PAK3: variants seen among roughly 807,000 people sequenced by gnomAD.
PAK3 encodes the protein serine/threonine-protein kinase PAK 3.
In PAK3, 4 loss-of-function variants were observed where a neutral mutation model predicts 41.0. The observed-to-expected ratio is 0.10, with a 90% CI of 0.05 to 0.22. The LOEUF (loss-of-function observed/expected upper bound fraction) is 0.22, where lower values mean the gene tolerates loss of function less well. Ranked by LOEUF, PAK3 falls within the 10% of genes least tolerant of loss-of-function variation. The pLI is 1.00. For missense variants in PAK3, 205 were observed against 409.9 expected (o/e 0.50, Z 4.32); for synonymous variants, 146 against 139.6 (o/e 1.05, Z -0.32).
At position 111,222,109 on chromosome X, in the gene PAK3, ACT is replaced by A. The variant is rs2094930797; in HGVS notation, c.*1663_*1664del. ...AGTTGTTTCTCTAAGCCTTTGAAAAACTAACAATTTGTGTTATAGAAGGCTTC... is the reference window on the plus strand; with the variant it reads ...AGTTGTTTCTCTAAGCCTTTGAAAAAAACAATTTGTGTTATAGAAGGCTTC... On this transcript the variant is annotated 3_prime_UTR_variant, in exon 18 of 18. Transcript: ENST00000372007. 10 of 111,775 alleles carry A rather than the reference ACT, an allele frequency of 8.9e-5. No individual in the cohort carries two copies. The highest frequency in any genetic ancestry group is 1.9e-5 in the Non-Finnish European group (1 of 53,085). 9.2% of individuals were successfully genotyped at this position (111,775 alleles called of 1,213,427 possible).
At chrX:111,151,419 T>C (rs766168049) in intron 7 of PAK3, among the ~76,000 whole-genome samples, 1 of 112,124 alleles carries the variant, frequency 8.9e-6, no homozygotes, top group Non-Finnish European at 1.9e-5. Context: ...GAGCTGAGTG[T>C]ACCTCATCAT....
chrX:111,044,130 G>C (rs779362746), intron 1 of PAK3, among the ~76,000 whole-genome samples: 2 of 111,959 alleles, frequency 1.8e-5, no homozygotes, highest in Non-Finnish European at 3.8e-5. Flanking sequence ...ATCATGCTTT[G>C]AAGTAGGCAG....
chrX:111,048,518 C>A (rs772116503), intron 1 of PAK3, among the ~76,000 whole-genome samples: 1 of 111,619 alleles, frequency 9.0e-6, no homozygotes, highest in East Asian at 2.8e-4. Context: ...CCCTCTTGAT[C>A]TGTGCACTTA....
At chrX:111,044,523 C>T (rs1424701720) in intron 1 of PAK3, among the ~76,000 whole-genome samples, 1 of 112,036 alleles carries the variant, frequency 8.9e-6, no homozygotes, top group Non-Finnish European at 1.9e-5. Context: ...ACCCTGGTCA[C>T]TCCTGGGATG....
intron 1 of PAK3, among the ~76,000 whole-genome samples, chrX:111,020,148 TA>T (rs1328994111): frequency 8.9e-6 from 1 of 112,252 alleles, no homozygotes; most frequent in Non-Finnish European, 1.9e-5. Context: ...TCACAATAGC[TA>T]AAAGTTAGAA....
At chrX:111,153,240 G>C (rs1158554423) in intron 8 of PAK3, among the ~76,000 whole-genome samples, 3 of 111,560 alleles carry the variant, frequency 2.7e-5, no homozygotes, top group Non-Finnish European at 3.8e-5. Flanking sequence ...AGAAAACTGA[G>C]GTTTGGAGAA....
At chrX:111,137,650 C>A (rs1337243015) in intron 5 of PAK3, among the ~76,000 whole-genome samples, 3 of 111,576 alleles carry the variant, frequency 2.7e-5, no homozygotes, top group African/African-American at 9.8e-5. Context: ...ACTTCTCATT[C>A]TTTATGAAGT....
chrX:111,136,171 G>A (rs1393383010), intron 5 of PAK3, among the ~76,000 whole-genome samples: 5 of 112,031 alleles, frequency 4.5e-5, no homozygotes, highest in African/African-American at 1.3e-4. Flanking sequence ...AAGTAAGGGA[G>A]GAGGGGGTAG....
chrX:110,978,550 G>T (rs1174069749), intron 1 of PAK3, among the ~76,000 whole-genome samples: 2 of 111,550 alleles, frequency 1.8e-5, no homozygotes, highest in African/African-American at 3.2e-5. Flanking sequence ...TGGTCATGAT[G>T]TATAATTCTT....
intron 1 of PAK3, among the ~76,000 whole-genome samples, chrX:111,036,731 G>T (rs2092402842): frequency 9.0e-6 from 1 of 111,559 alleles, no homozygotes; most frequent in Admixed American, 9.5e-5. Context: ...GCATGAGAGT[G>T]CCCATTTGAG....
intron 10 of PAK3, among the ~76,000 whole-genome samples, chrX:111,170,362 TA>T (rs752379228): frequency 2.5e-4 from 26 of 105,519 alleles, no homozygotes; most frequent in East Asian, 1.2e-3. Flanking sequence ...GAACTTTCAT[TA>T]AAAAAAAAAC....
At chrX:111,012,770 A>C (rs758272543) in intron 1 of PAK3, among the ~76,000 whole-genome samples, 1 of 111,787 alleles carries the variant, frequency 8.9e-6, no homozygotes, top group South Asian at 3.8e-4. Flanking sequence ...CAAACTCTTA[A>C]GGTGTTATTT....
intron 16 of PAK3, among the ~76,000 whole-genome samples, chrX:111,200,312 T>A (rs2208022): frequency 8.9e-6 from 1 of 112,061 alleles, no homozygotes; most frequent in African/African-American, 3.2e-5. Flanking sequence ...TCCCTGTATA[T>A]GGAGAGGAGG....
intron 1 of PAK3, among the ~76,000 whole-genome samples, chrX:110,963,649 C>A (rs1175650860): frequency 1.8e-5 from 2 of 112,278 alleles, no homozygotes; most frequent in Non-Finnish European, 3.8e-5. Flanking sequence ...AGTAAAAGCA[C>A]TGAATTGAAA....
chrX:111,018,272 T>A (rs2092120494), intron 1 of PAK3, among the ~76,000 whole-genome samples: 1 of 111,159 alleles, frequency 9.0e-6, no homozygotes, highest in Non-Finnish European at 1.9e-5. Context: ...ATAAAAAGAA[T>A]CTAAATTGAA....
rs991323746 is a variant in PAK3 at position 111,161,631 on chromosome X, A to T, written c.469-1284A>T. On this transcript the variant is annotated intron_variant, in intron 8 of 17. Transcript: ENST00000372007. ...CATGTAAGTCTTTAATCCATCTTGAATTAATTTTTGTATAAGGTGTAAGGA... is the reference window on the plus strand; with the variant it reads ...CATGTAAGTCTTTAATCCATCTTGATTTAATTTTTGTATAAGGTGTAAGGA... Among the ~76,000 whole-genome samples the T allele has an allele frequency of 1.9e-4, 21 of 111,247 alleles. 1 individual carries two copies. Among genetic ancestry groups the T allele is most frequent in the Admixed American group, 4.8e-4 (5 of 10,495 alleles).
intron 1 of PAK3, among the ~76,000 whole-genome samples, chrX:111,051,676 C>T (rs1279571202): frequency 4.7e-5 from 3 of 63,463 alleles, no homozygotes; most frequent in African/African-American, 9.7e-5. Context: ...TTATGAACAA[C>T]GTGTGTTACC....
chrX:110,964,585 T>C lies in PAK3; in HGVS notation c.-28+19957T>C, dbSNP rs370220936. On this transcript the variant is annotated intron_variant, in intron 1 of 14. Coordinates refer to the PAK3 transcript ENST00000425146. Reference sequence around the variant, plus strand: ...GGAGCACTGTTCACATTGCAGTCTCTGTGCAGTGTGCCTCTTGAGTTGTGT... The same window carrying C: ...GGAGCACTGTTCACATTGCAGTCTCCGTGCAGTGTGCCTCTTGAGTTGTGT... Among the ~76,000 whole-genome samples, 525 of 112,464 alleles carry C rather than the reference T, an allele frequency of 4.7e-3. 3 individuals are homozygous for C. Among genetic ancestry groups the C allele is most frequent in the African/African-American group, 0.016 (500 of 30,977 alleles).
At chrX:111,056,112 G>GC (rs1168926288) in intron 1 of PAK3, among the ~76,000 whole-genome samples, 3 of 111,677 alleles carry the variant, frequency 2.7e-5, no homozygotes, top group Non-Finnish European at 5.6e-5. Context: ...GATAGTTCCA[G>GC]CCCCCCAGGC....
Sources: allele counts gnomAD v4.1 joint callset (sites outside exome capture counted in the v4.1 genomes callset), GRCh38; gene constraint gnomAD v4.1.1; transcripts MANE v1.5; gene names NCBI Gene and HGNC (gene_info 2026-07-23, HGNC 2026-07-21).